The following STK3 variants were observed in gnomAD, a reference collection of about 807,000 sequenced individuals.
The protein encoded by STK3 is serine/threonine kinase 3.
Under a neutral mutation model 58.0 loss-of-function variants are expected in STK3, and 41 were observed. The observed-to-expected ratio is 0.71, with a 90% confidence interval of 0.55 to 0.92. The LOEUF (loss-of-function observed/expected upper bound fraction) is 0.92, where lower values mean the gene tolerates loss of function less well. Ranked by LOEUF, STK3 falls within the 40% of genes least tolerant of loss-of-function variation. The probability of loss-of-function intolerance (pLI) is 0.00; values close to 1 mark genes in which losing one functional copy is unlikely to be tolerated. For missense variants in STK3, 479 were observed against 602.7 expected, an observed-to-expected ratio of 0.79 and a Z score of 2.15; for synonymous variants, 170 against 191.0, an observed-to-expected ratio of 0.89 and a Z score of 0.91.
chr8:98,786,891 T>C (rs1199817302), intron 1 of STK3, among the ~76,000 whole-genome samples: 1 of 151,846 alleles, frequency 6.6e-6, no homozygotes, highest in African/African-American at 2.4e-5. Flanking sequence ...CCAAGGTCAA[T>C]GTGGTGCGGT....
chr8:98,758,828 A>T (rs1587536567), intron 3 of STK3, among the ~76,000 whole-genome samples: 1 of 152,220 alleles, frequency 6.6e-6, no homozygotes, highest in Non-Finnish European at 1.5e-5. Context: ...TTGCTGCTTC[A>T]TCTTGCACTT....
rs114112592 is a variant in STK3 at position 98,730,367 on chromosome 8, A to C, written c.351+18909T>G. Among the ~76,000 whole-genome samples, 354 of 152,284 alleles carry C rather than the reference A, an allele frequency of 2.3e-3. 1 individual carries two copies. Among genetic ancestry groups the C allele is most frequent in the African/African-American group, 8.2e-3 (343 of 41,578 alleles). Reference sequence around the variant, plus strand: ...TATTACAGAAATAGATCTCATCCTGATAAAGGTATATAGTGAAAATGTCTC... The same window carrying C: ...TATTACAGAAATAGATCTCATCCTGCTAAAGGTATATAGTGAAAATGTCTC... On this transcript the variant is annotated intron_variant, in intron 4 of 10. Coordinates refer to ENST00000419617, the MANE Select transcript of STK3 (RefSeq NM_006281.4).
Position 98,584,741 on chromosome 8 carries a change from C to T in STK3, c.823-4952G>A, listed in dbSNP as rs1290593346. Among the ~76,000 whole-genome samples, 13 of 149,384 alleles carry T rather than the reference C, an allele frequency of 8.7e-5. 1 individual carries two copies. Among genetic ancestry groups the T allele is most frequent in the Admixed American group, 4.0e-4 (6 of 14,944 alleles). On this transcript the variant is annotated intron_variant, in intron 7 of 10. Coordinates refer to ENST00000419617, the MANE Select transcript of STK3 (RefSeq NM_006281.4). ...CAGTGTAAAAGTGTTCCTATTTCTC[C>T]ACATCCTCTCCAGCACCTGTTGTTT...
At chr8:98,478,449 G>T (rs1350772968) in intron 10 of STK3, among the ~76,000 whole-genome samples, 2 of 152,122 alleles carry the variant, frequency 1.3e-5, no homozygotes, top group Non-Finnish European at 2.9e-5. Flanking sequence ...CATGCGAGAG[G>T]GTTGCTGTGA....
intron 6 of STK3, among the ~76,000 whole-genome samples, chr8:98,617,719 TG>T (rs1436404255): frequency 4.0e-5 from 6 of 151,190 alleles, no homozygotes; most frequent in African/African-American, 1.5e-4. Flanking sequence ...CTAGAAGAAA[TG>T]GATACATTCC....
intron 4 of STK3, among the ~76,000 whole-genome samples, chr8:98,736,159 G>C (rs1186553812): frequency 6.6e-6 from 1 of 152,088 alleles, no homozygotes; most frequent in Non-Finnish European, 1.5e-5. Context: ...TTATGTAAGA[G>C]TGAATATGCA....
intron 6 of STK3, among the ~76,000 whole-genome samples, chr8:98,605,204 A>T (rs552535523): frequency 6.6e-6 from 1 of 152,100 alleles, no homozygotes; most frequent in East Asian, 1.9e-4. Flanking sequence ...CTGCTTCCAC[A>T]TTTTCAGGTA....
intron 3 of STK3, among the ~76,000 whole-genome samples, chr8:98,873,850 T>C (rs1462688918): frequency 6.6e-6 from 1 of 152,192 alleles, no homozygotes; most frequent in African/African-American, 2.4e-5. Context: ...ACATTTAAGG[T>C]TAATATTGTT....
At chr8:98,884,262 T>G (rs1319314736) in intron 1 of STK3, among the ~76,000 whole-genome samples, 1 of 152,226 alleles carries the variant, frequency 6.6e-6, no homozygotes, top group East Asian at 1.9e-4. Flanking sequence ...GCTCTAAAAC[T>G]TCACGATGAT....
At chr8:98,749,765 A>G (rs754123010) in intron 3 of STK3, among the ~76,000 whole-genome samples, 5 of 152,090 alleles carry the variant, frequency 3.3e-5, no homozygotes, top group Non-Finnish European at 5.9e-5. Flanking sequence ...ATATTAATCA[A>G]CTCGAAAATA....
intron 3 of STK3, among the ~76,000 whole-genome samples, chr8:98,836,129 A>G (rs1835737708): frequency 6.6e-6 from 1 of 152,084 alleles, no homozygotes; most frequent in Non-Finnish European, 1.5e-5. Flanking sequence ...TGAACCCAGG[A>G]GGCAGAGGTT....
At chr8:98,371,068 A>G (rs1010470695), downstream of STK3, among the ~76,000 whole-genome samples, 5 of 152,206 alleles carry the variant, frequency 3.3e-5, no homozygotes, top group African/African-American at 7.2e-5. Flanking sequence ...TGAAGGTCCC[A>G]GAGGAGCACC....
At chr8:98,934,614 C>T (rs1043615151) in intron 1 of STK3, among the ~76,000 whole-genome samples, 3 of 152,148 alleles carry the variant, frequency 2.0e-5, no homozygotes, top group African/African-American at 7.2e-5. Flanking sequence ...GGTGCCAACA[C>T]ATATAAGATG....
Position 98,784,457 on chromosome 8 carries a change from T to C in STK3, c.27-9638A>G, listed in dbSNP as rs148609235. Among the ~76,000 whole-genome samples, 6 of 152,318 alleles carry C rather than the reference T, an allele frequency of 3.9e-5. No individual in the cohort carries two copies. In the East Asian group the frequency reaches 5.8e-4, roughly 15 times the overall value. ...TGGAACTGGTCTGCATGTGCCATGATTGGTTGCCACAGCCTGTTCCCCTGT... is the reference window on the plus strand; with the variant it reads ...TGGAACTGGTCTGCATGTGCCATGACTGGTTGCCACAGCCTGTTCCCCTGT... On this transcript the variant is annotated intron_variant, in intron 1 of 10. Transcript: ENST00000419617.
chr8:98,870,771 T>A (rs4734416), intron 3 of STK3, among the ~76,000 whole-genome samples: 61,938 of 151,960 alleles, frequency 0.41, 12,985 homozygotes, highest in Admixed American at 0.5. Flanking sequence ...GATTTAAAAA[T>A]TTTTCTCCCA....
At chr8:98,707,410 G>A (rs910184742) in intron 4 of STK3, 99 bp from the exon 5 acceptor site, 1 of 942,184 alleles carries the variant, frequency 1.1e-6, no homozygotes, top group Non-Finnish European at 1.5e-6. Flanking sequence ...GTGTGTGTGT[G>A]TGTGTTTTTT....
intron 1 of STK3, chr8:98,905,128 G>A (rs117473521): frequency 0.055 from 77,916 of 1,411,364 alleles, 3,151 homozygotes; most frequent in South Asian, 0.1. Flanking sequence ...CGACCCGTAC[G>A]ATCTACTGGG....
chr8:98,530,440 T>C (rs139024883), intron 9 of STK3, among the ~76,000 whole-genome samples: 1 of 152,018 alleles, frequency 6.6e-6, no homozygotes, highest in East Asian at 1.9e-4. Flanking sequence ...TGTTTAGGAG[T>C]GACATCAGAA....
intron 4 of STK3, among the ~76,000 whole-genome samples, chr8:98,721,448 T>A (rs1386058652): frequency 6.6e-6 from 1 of 152,106 alleles, no homozygotes; most frequent in Non-Finnish European, 1.5e-5. Flanking sequence ...GAGGATCACA[T>A]GAGCCCAGGA....
Sources: gnomAD v4.1 joint callset for allele counts (sites outside exome capture counted in the v4.1 genomes callset) on GRCh38, gnomAD v4.1.1 for gene constraint, MANE v1.5 for transcripts, NCBI Gene and HGNC (gene_info 2026-07-23, HGNC 2026-07-21) for gene names.